TSPAN15: variants seen among roughly 807,000 people sequenced by gnomAD.
TSPAN15 encodes tetraspanin-15.
A neutral mutation model predicts 34.5 loss-of-function variants in TSPAN15; 20 were observed. That is an observed-to-expected ratio of 0.58 (90% CI 0.41 to 0.84). The LOEUF (loss-of-function observed/expected upper bound fraction) is 0.84, where lower values mean the gene tolerates loss of function less well. Among genes scored for constraint, TSPAN15 ranks in the 40% least tolerant of loss-of-function variants. The pLI is 0.00. For missense variants in TSPAN15, 313 were observed against 386.1 expected, an observed-to-expected ratio of 0.81 and a Z score of 1.59; for synonymous variants, 155 against 153.9, an observed-to-expected ratio of 1.01 and a Z score of -0.05.
chr10:69,488,794 T>G (rs1438403108), intron 3 of TSPAN15, among the ~76,000 whole-genome samples: 3 of 152,060 alleles, frequency 2.0e-5, no homozygotes, highest in African/African-American at 7.2e-5. Context: ...CACATGCTTC[T>G]AAGGGAAAAA....
chr10:69,538,605 G>T, the TSPAN15 span, among the ~76,000 whole-genome samples: 2 of 152,330 alleles, frequency 1.3e-5, no homozygotes, highest in Middle Eastern at 3.4e-3. Flanking sequence ...CACGTAAAGT[G>T]CATCACTCAG....
At chr10:69,501,961 G>A (rs963811578) in intron 5 of TSPAN15, among the ~76,000 whole-genome samples, 6 of 151,972 alleles carry the variant, frequency 3.9e-5, no homozygotes, top group Non-Finnish European at 8.8e-5. Context: ...GTTTCATCCC[G>A]ACACCATCAC....
chr10:69,545,689 G>T, the TSPAN15 span, among the ~76,000 whole-genome samples: 1 of 152,202 alleles, frequency 6.6e-6, no homozygotes, highest in Non-Finnish European at 1.5e-5. Flanking sequence ...GGGTGCGGTG[G>T]CTCACGCCTG....
chr10:69,472,740 G>T (rs1841533005), intron 1 of TSPAN15, among the ~76,000 whole-genome samples: 1 of 152,224 alleles, frequency 6.6e-6, no homozygotes, highest in Non-Finnish European at 1.5e-5. Flanking sequence ...CTGAGCGCCT[G>T]CCGGGTCCCA....
At chr10:69,536,428 A>C in the TSPAN15 span, among the ~76,000 whole-genome samples, 811 of 152,310 alleles carry the variant, frequency 5.3e-3, 12 homozygotes, top group African/African-American at 0.019. Context: ...GCCTGTCCCC[A>C]AGGGTTTCAT....
chr10:69,471,089 T>C (rs942269009), intron 1 of TSPAN15, among the ~76,000 whole-genome samples: 31 of 152,230 alleles, frequency 2.0e-4, no homozygotes, highest in African/African-American at 7.0e-4. Context: ...TTAGTAGCAC[T>C]TATAACCATA....
At chr10:69,472,361 CTGA>C (rs1841524905) in intron 1 of TSPAN15, among the ~76,000 whole-genome samples, 1 of 152,204 alleles carries the variant, frequency 6.6e-6, no homozygotes, top group Non-Finnish European at 1.5e-5. Flanking sequence ...GAAGCCTTCC[CTGA>C]TCTTGCCTTT....
At position 69,507,455 on chromosome 10, in the gene TSPAN15, C is replaced by T. The variant is rs1444830170; in HGVS notation, c.*477C>T. 7.7e-7 allele frequency: 1 copy of T among 1,298,652 alleles called. No individual in the cohort carries two copies. The highest frequency in any genetic ancestry group is 1.0e-6 in the Non-Finnish European group (1 of 987,730). The allele number at this position is 1,298,652 out of a possible 1,614,324, so 80.4% of individuals were successfully genotyped here. ...ACGCCCATGGCCAGGTTGGCCTCTT[C>T]TCAGCCTCCCAGGTGCCTTGAGCCC... On this transcript the variant is annotated 3_prime_UTR_variant, in exon 8 of 8. Transcript: ENST00000373290.
chr10:69,456,757 A>G (rs893750450), intron 1 of TSPAN15, among the ~76,000 whole-genome samples: 8 of 152,204 alleles, frequency 5.3e-5, no homozygotes, highest in African/African-American at 1.9e-4. Flanking sequence ...TCCTTGATGC[A>G]ATCGGAGGGG....
the TSPAN15 span, among the ~76,000 whole-genome samples, chr10:69,546,535 T>G: frequency 6.6e-6 from 1 of 152,192 alleles, no homozygotes; most frequent in Non-Finnish European, 1.5e-5. Context: ...CTTCTCACAC[T>G]GGAATTTCTG....
At chr10:69,462,206 G>T (rs1841283720) in intron 1 of TSPAN15, among the ~76,000 whole-genome samples, 3 of 112,570 alleles carry the variant, frequency 2.7e-5, no homozygotes, top group Admixed American at 1.4e-4. Flanking sequence ...TCACCATGTT[G>T]CCCAGCCTAG....
chr10:69,539,048 T>C, the TSPAN15 span, among the ~76,000 whole-genome samples: 24 of 152,162 alleles, frequency 1.6e-4, 1 homozygote, highest in Non-Finnish European at 2.9e-4. Context: ...ATTTGGCTCA[T>C]AGAGGTCCTT....
intron 4 of TSPAN15, among the ~76,000 whole-genome samples, chr10:69,496,320 C>CAACAAT (rs1554834517): frequency 2.3e-5 from 3 of 132,504 alleles, no homozygotes; most frequent in African/African-American, 8.6e-5. Flanking sequence ...TCTGTTGGTG[C>CAACAAT]AATAATAATA....
At chr10:69,496,252 T>C (rs1233999027) in intron 4 of TSPAN15, among the ~76,000 whole-genome samples, 2 of 151,496 alleles carry the variant, frequency 1.3e-5, no homozygotes, top group Non-Finnish European at 2.9e-5. Context: ...CTTCCTTGAA[T>C]GTGATGATGA....
At chr10:69,467,429 G>A (rs988479633) in intron 1 of TSPAN15, among the ~76,000 whole-genome samples, 3 of 152,176 alleles carry the variant, frequency 2.0e-5, no homozygotes, top group African/African-American at 7.2e-5. Context: ...TTTAGGCAAA[G>A]GAAGACGCAA....
At position 69,506,350 on chromosome 10, in the gene TSPAN15, C is replaced by G; in HGVS notation, c.735+110C>G. 9.5e-7 allele frequency: 1 copy of G among 1,049,132 alleles called. No individual in the cohort carries two copies. Among genetic ancestry groups the G allele is most frequent in the Non-Finnish European group, 1.4e-6 (1 of 701,996 alleles). 65.0% of individuals were successfully genotyped at this position (1,049,132 alleles called of 1,614,324 possible). A position where few individuals can be genotyped will look rare whatever the true frequency, so the allele number is the denominator to read the frequency against. ...TTTTTTCATAGAAGTCCAGGACTTG[C>G]CTGGGGAGGGCTGCATGGCTGGAAG... is the stretch of plus-strand genomic sequence containing the variant. On this transcript the variant is annotated intron_variant, in intron 7 of 7. Transcript: ENST00000373290. The surrounding 1 kb of genome is among the most constrained non-coding windows in gnomAD (Gnocchi z 4.7).
At chr10:69,480,829 C>T (rs1400249424) in intron 1 of TSPAN15, among the ~76,000 whole-genome samples, 1 of 152,150 alleles carries the variant, frequency 6.6e-6, no homozygotes, top group Non-Finnish European at 1.5e-5. Flanking sequence ...TCCCAAGTAG[C>T]TGGGATTACA....
chr10:69,537,604 C>G, the TSPAN15 span, among the ~76,000 whole-genome samples: 1 of 152,202 alleles, frequency 6.6e-6, no homozygotes, highest in Non-Finnish European at 1.5e-5. Context: ...TTTATAAGGA[C>G]AGCAGTCATC....
At chr10:69,501,201 G>A (rs189039266) in intron 5 of TSPAN15, among the ~76,000 whole-genome samples, 1 of 152,248 alleles carries the variant, frequency 6.6e-6, no homozygotes, top group Admixed American at 6.5e-5. Flanking sequence ...TCCCATCAGG[G>A]GTGTCAAAGA....
Sources: gnomAD v4.1 joint callset for allele counts (sites outside exome capture counted in the v4.1 genomes callset) on GRCh38, gnomAD v4.1.1 for gene constraint, Gnocchi (gnomAD v3.1) non-coding constraint, MANE v1.5 for transcripts, NCBI Gene and HGNC (gene_info 2026-07-23, HGNC 2026-07-21) for gene names.